The following LTBP1 variants were observed in gnomAD, a reference collection of about 807,000 sequenced individuals.
The protein encoded by LTBP1 is latent-transforming growth factor beta-binding protein 1.
LTBP1 carries 129 observed loss-of-function variants against 207.6 expected under a neutral mutation model. The observed-to-expected ratio is 0.62, with a 90% confidence interval of 0.54 to 0.72. The LOEUF (loss-of-function observed/expected upper bound fraction) is 0.72, where lower values mean the gene tolerates loss of function less well. Among genes scored for constraint, LTBP1 ranks in the 30% least tolerant of loss-of-function variants. The pLI, the probability that LTBP1 is intolerant of heterozygous loss-of-function variation, is 0.00. For synonymous variants in LTBP1, 963 were observed against 833.7 expected, an observed-to-expected ratio of 1.16 and a Z score of -2.67; for missense variants, 2,281 against 2,217.2, an observed-to-expected ratio of 1.03 and a Z score of -0.58.
intron 22 of LTBP1, among the ~76,000 whole-genome samples, chr2:33,303,496 C>G (rs2094028335): frequency 6.6e-6 from 1 of 151,900 alleles, no homozygotes; most frequent in Non-Finnish European, 1.5e-5. Context: ...ACTACAAGCA[C>G]CTGCCACCAT....
rs1244221993 is a variant in LTBP1, at chr2:33,228,697, C to CTTTTTTTTTTTTTTTTTTTTTTTTT, written c.1876+6567_1876+6568insTTTTTTTTTTTTTTTTTTTTTTTTT. Among the ~76,000 whole-genome samples the CTTTTTTTTTTTTTTTTTTTTTTTTT allele has an allele frequency of 4.0e-3, 399 of 99,024 alleles. 115 individuals carry two copies. In the Middle Eastern group the frequency reaches 0.041, roughly 10 times the overall value. 65.0% of individuals were successfully genotyped at this position (99,024 alleles called of 152,430 possible). ...TAATAAGCCCAACCAGGGTTATACC[C>CTTTTTTTTTTTTTTTTTTTTTTTTT]TTTTTTTTTTTTTTTTTTTTTGAGA... On this transcript the variant is annotated intron_variant, in intron 9 of 33. Coordinates refer to ENST00000404816, the MANE Select transcript of LTBP1 (RefSeq NM_206943.4).
chr2:33,187,769 T>C (rs1013807733), intron 6 of LTBP1, among the ~76,000 whole-genome samples: 1 of 152,198 alleles, frequency 6.6e-6, no homozygotes, highest in Admixed American at 6.5e-5. Flanking sequence ...TTTGTGTGTG[T>C]GTATGTCACA....
intron 3 of LTBP1, among the ~76,000 whole-genome samples, chr2:33,051,750 C>G (rs1021117459): frequency 6.6e-6 from 1 of 152,052 alleles, no homozygotes; most frequent in African/African-American, 2.4e-5. Flanking sequence ...GGAGAGGGCC[C>G]TGAGATGTTG....
At chr2:33,148,479 T>C (rs1023981882) in intron 5 of LTBP1, among the ~76,000 whole-genome samples, 3 of 152,186 alleles carry the variant, frequency 2.0e-5, no homozygotes. Flanking sequence ...GAAAATAACA[T>C]AGAGTGAAGA....
chr2:33,178,017 C>G (rs575449577), intron 5 of LTBP1, among the ~76,000 whole-genome samples: 3 of 152,324 alleles, frequency 2.0e-5, no homozygotes, highest in African/African-American at 4.8e-5. Context: ...GGGCTGCTCC[C>G]CAGCCTGCTG....
rs748114464 is a variant in LTBP1, at chr2:33,025,816, T to C, written c.863+4610T>C. On this transcript the variant is annotated intron_variant, in intron 3 of 33. Coordinates refer to ENST00000404816, the MANE Select transcript of LTBP1 (RefSeq NM_206943.4). ...GGTGGTAATTATTGAAGCTTGATGA[T>C]GGGTACATAGGGGTTTCTTACAAAA... Among the ~76,000 whole-genome samples, 4 of 152,194 alleles carry C rather than the reference T, an allele frequency of 2.6e-5. No homozygotes were observed. In the South Asian group the frequency reaches 6.2e-4, roughly 24 times the overall value.
rs57878044 is a variant in LTBP1 at position 33,047,066 on chromosome 2, C to G, written c.863+25860C>G. Among the ~76,000 whole-genome samples, 230 of 152,210 alleles carry G rather than the reference C, an allele frequency of 1.5e-3. 1 individual carries two copies. The highest frequency in any genetic ancestry group is 5.5e-3 in the African/African-American group (228 of 41,544). ...TATTAATCTTTTCCAAAAACCAGCT[C>G]CTGGATTCATTGATTTTTTGAAGGG... is the stretch of plus-strand genomic sequence containing the variant. On this transcript the variant is annotated intron_variant, in intron 3 of 33. Transcript: ENST00000404816.
intron 5 of LTBP1, among the ~76,000 whole-genome samples, chr2:33,159,975 G>A (rs529731379): frequency 5.3e-5 from 8 of 152,004 alleles, no homozygotes; most frequent in African/African-American, 1.7e-4. Context: ...TCTGCCTCCC[G>A]GGCTCAAGCA....
chr2:33,026,634 A>G (rs1207680916), intron 3 of LTBP1, among the ~76,000 whole-genome samples: 2 of 151,978 alleles, frequency 1.3e-5, no homozygotes, highest in Non-Finnish European at 2.9e-5. Context: ...TATTATGTGG[A>G]AAAAAAAGGC....
chr2:33,035,696 G>A (rs536131432), intron 3 of LTBP1, among the ~76,000 whole-genome samples: 22 of 152,262 alleles, frequency 1.4e-4, no homozygotes, highest in Middle Eastern at 3.4e-3. Flanking sequence ...TTTGTAGGCC[G>A]TTTGTTAGAA....
rs193269904 is a variant in LTBP1, at chr2:33,185,800, G to C, written c.1202-1056G>C. Among the ~76,000 whole-genome samples, 19 of 152,252 alleles carry C rather than the reference G, an allele frequency of 1.2e-4. No individual in the cohort carries two copies. The East Asian group carries it at 3.5e-3, about 28-fold the overall frequency. ...ATAAACCGGCCCAAGATAGATTGTAGCGCATTGAGAAGTCAACAAACAATT... is the reference window on the plus strand; with the variant it reads ...ATAAACCGGCCCAAGATAGATTGTACCGCATTGAGAAGTCAACAAACAATT... On this transcript the variant is annotated intron_variant, in intron 5 of 33. Transcript: ENST00000404816.
chr2:33,347,415 G>T lies in LTBP1; in HGVS notation c.3905G>T (p.Cys1302Phe), dbSNP rs1173696577. 1 of 1,614,208 alleles carries T rather than the reference G, an allele frequency of 6.2e-7. No homozygotes were observed. The highest frequency in any genetic ancestry group is 1.7e-5 in the Admixed American group (1 of 60,016). The change falls in exon 26 of 34, where the codon TGT becomes TTT. Residue 1302 changes from cysteine (C) to phenylalanine (F), a missense_variant. Cys to Phe is a radical substitution (Grantham distance 205). This residue lies in a region of LTBP1 where 1,671 missense variants were observed against 1,634.8 expected (regional missense o/e 1.02). Coordinates refer to ENST00000404816, the MANE Select transcript of LTBP1 (RefSeq NM_206943.4). ...LLSGVCGEAF[C>F]ENVEGSFLCV... ...AGTGGGGTGTGTGGTGAAGCCTTCTGTGAAAACGTGGAAGGGTCCTTCCTG... is the reference window on the plus strand; with the variant it reads ...AGTGGGGTGTGTGGTGAAGCCTTCTTTGAAAACGTGGAAGGGTCCTTCCTG...
chr2:33,378,288 C>G (rs1458521038), intron 31 of LTBP1, among the ~76,000 whole-genome samples: 2 of 151,538 alleles, frequency 1.3e-5, no homozygotes, highest in Admixed American at 6.6e-5. Flanking sequence ...TGCACTGGCA[C>G]GATCTCGGCT....
At chr2:33,193,033 G>C (rs909988789) in intron 7 of LTBP1, among the ~76,000 whole-genome samples, 9 of 152,128 alleles carry the variant, frequency 5.9e-5, no homozygotes, top group African/African-American at 1.9e-4. Flanking sequence ...ATGAACTTTG[G>C]GGGACACATT....
At chr2:33,342,738 A>C (rs879511161) in intron 24 of LTBP1, 100 bp from the exon 25 acceptor site, 99 of 1,127,790 alleles carry the variant, frequency 8.8e-5, no homozygotes, top group Non-Finnish European at 1.2e-4. Flanking sequence ...ATCATCACAC[A>C]CTAATCAGGA....
At chr2:33,060,806 G>A (rs943890207) in intron 3 of LTBP1, among the ~76,000 whole-genome samples, 2 of 152,024 alleles carry the variant, frequency 1.3e-5, no homozygotes, top group African/African-American at 4.8e-5. Flanking sequence ...ACAAAAAATA[G>A]TACAAGGTTT....
chr2:33,107,167 C>T (rs2080111198), intron 3 of LTBP1, among the ~76,000 whole-genome samples: 1 of 152,158 alleles, frequency 6.6e-6, no homozygotes, highest in Non-Finnish European at 1.5e-5. Context: ...CGTCAGGGTG[C>T]CCTGCACATC....
intron 24 of LTBP1, among the ~76,000 whole-genome samples, chr2:33,341,555 CA>C (rs1398712290): frequency 9.9e-5 from 15 of 151,098 alleles, no homozygotes; most frequent in Non-Finnish European, 1.6e-4. Context: ...ACTAAAAATA[CA>C]AAAAATTAGC....
At chr2:32,985,307 G>GCTC (rs1412115450) in intron 2 of LTBP1, among the ~76,000 whole-genome samples, 2 of 152,088 alleles carry the variant, frequency 1.3e-5, no homozygotes, top group African/African-American at 4.8e-5. Flanking sequence ...TGGGCTGACA[G>GCTC]CTCTACATGG....
Sources: gnomAD v4.1 joint callset for allele counts (sites outside exome capture counted in the v4.1 genomes callset) on GRCh38, gnomAD v4.1.1 for gene constraint, gnomAD v4.1.1 regional missense constraint, MANE v1.5 for transcripts, NCBI Gene and HGNC (gene_info 2026-07-23, HGNC 2026-07-21) for gene names.